The following SUPT16H variants were observed in gnomAD, a reference collection of about 807,000 sequenced individuals.
SUPT16H encodes the protein SPT16 homolog, facilitates chromatin remodeling subunit.
Under a neutral mutation model 136.2 loss-of-function variants are expected in SUPT16H, and 24 were observed. That is an observed-to-expected ratio of 0.18 (90% CI 0.13 to 0.25). The LOEUF (loss-of-function observed/expected upper bound fraction) is 0.25. Ranked by LOEUF, SUPT16H falls within the 10% of genes least tolerant of loss-of-function variation. The pLI is 1.00. For missense variants in SUPT16H, 623 were observed against 1,270.2 expected (o/e 0.49, Z 7.74); for synonymous variants, 415 against 428.2 (o/e 0.97, Z 0.38).
chr14:21,354,329 G>A (rs1566379942), intron 23 of SUPT16H, 82 bp downstream of exon 23: 13 of 1,555,454 alleles, frequency 8.4e-6, no homozygotes, highest in Non-Finnish European at 1.1e-5. Flanking sequence ...AGTCCCTTAT[G>A]TACTACTCAT....
intron 1 of SUPT16H, among the ~76,000 whole-genome samples, chr14:21,374,936 G>T (rs1455926884): frequency 6.6e-6 from 1 of 152,072 alleles, no homozygotes; most frequent in Non-Finnish European, 1.5e-5. Context: ...ATGTATCAAG[G>T]TTCCAATTTT....
intron 21 of SUPT16H, 75 bp downstream of exon 21, chr14:21,357,848 ATAAT>A (rs1164469511): frequency 7.6e-7 from 1 of 1,320,004 alleles, no homozygotes; most frequent in Non-Finnish European, 1.1e-6. Flanking sequence ...GAAAATGACA[ATAAT>A]TAGGATAAAA....
At position 21,352,359 on chromosome 14, in the gene SUPT16H, T is replaced by C. The variant is rs1886329794; in HGVS notation, c.*314A>G. ...CAGCTTTGAGACACCAAATAAGATG[T>C]CAGAAGCCATCAATGTCTTGGCAGA... On this transcript the variant is annotated 3_prime_UTR_variant, in exon 26 of 26. Transcript: ENST00000216297. The C allele has an allele frequency of 2.8e-6, 1 of 354,176 alleles. No homozygotes were observed. Among genetic ancestry groups the C allele is most frequent in the Non-Finnish European group, 5.4e-6 (1 of 186,384 alleles). 21.9% of individuals were successfully genotyped at this position (354,176 alleles called of 1,614,324 possible). A position where few individuals can be genotyped will look rare whatever the true frequency, so the allele number is the denominator to read the frequency against.
rs1887115207 is a variant in SUPT16H, at chr14:21,383,967, G to A, written c.-40C>T. On this transcript the variant is annotated 5_prime_UTR_variant, in exon 1 of 26. Transcript: ENST00000216297. ...CTTCTCCTCGGGTTCCGAGAATCAC[G>A]CGAGGTCCCGGCTCAGCCACCCGCT... is the stretch of plus-strand genomic sequence containing the variant. 6.2e-7 allele frequency: 1 copy of A among 1,610,714 alleles called. No homozygotes were observed. Among genetic ancestry groups the A allele is most frequent in the African/African-American group, 1.3e-5 (1 of 74,840 alleles).
At chr14:21,357,104 A>AT in intron 22 of SUPT16H, 93 bp downstream of exon 22, 2 of 1,274,864 alleles carry the variant, frequency 1.6e-6, no homozygotes, top group Non-Finnish European at 2.1e-6. Flanking sequence ...CACTTTAAGT[A>AT]TATCAGTAGA....
intron 5 of SUPT16H, 67 bp from the exon 6 acceptor site, chr14:21,369,422 A>G: frequency 3.8e-6 from 6 of 1,583,090 alleles, no homozygotes; most frequent in East Asian, 2.2e-5. Context: ...TGTGGACACT[A>G]TGATTTGAAG....
At chr14:21,361,385 T>C (rs61971519) in intron 15 of SUPT16H, 172 bp from the exon 16 acceptor site, 17,946 of 760,196 alleles carry the variant, frequency 0.024, 274 homozygotes, top group African/African-American at 0.033. Context: ...GGCCCAATCT[T>C]AGCTCACTGC....
In SUPT16H at chr14:21,364,951, A is replaced by G; in HGVS notation, c.1121-12T>C. The G allele has an allele frequency of 6.2e-7, 1 of 1,613,468 alleles. No individual in the cohort carries two copies. The highest frequency in any genetic ancestry group is 8.5e-7 in the Non-Finnish European group (1 of 1,179,394). On this transcript the variant is annotated splice_polypyrimidine_tract_variant and intron_variant, in intron 9 of 25. Transcript: ENST00000216297. The stretch of plus-strand genomic sequence containing the variant: ...GCTGAAAACCATTCCTAAAACAGCA[A>G]AACAAGGATCAGTCTGTGGCTGTGA...
rs368671709 is a variant in SUPT16H, at chr14:21,363,024, A to C, written c.1511+10T>G. On this transcript the variant is annotated intron_variant, in intron 13 of 25. Coordinates refer to ENST00000216297, the MANE Select transcript of SUPT16H (RefSeq NM_007192.4). ...CTCAGATGATCTCACTGCTCAGTGAAAACTCTTACTTCTGAATCTGCTGTT... is the reference window on the plus strand; with the variant it reads ...CTCAGATGATCTCACTGCTCAGTGACAACTCTTACTTCTGAATCTGCTGTT... 74 of 1,613,924 alleles carry C rather than the reference A, an allele frequency of 4.6e-5. No individual in the cohort carries two copies. The highest frequency in any genetic ancestry group is 6.1e-5 in the Non-Finnish European group (72 of 1,180,010).
At position 21,375,610 on chromosome 14, in the gene SUPT16H, T is replaced by C. The variant is rs151220611; in HGVS notation, c.67-2180A>G. Among the ~76,000 whole-genome samples the C allele has an allele frequency of 2.2e-3, 337 of 152,268 alleles. 3 individuals carry two copies. The highest frequency in any genetic ancestry group is 7.3e-3 in the African/African-American group (303 of 41,542). ...AATTTATCTATTTTCTTTTTTATTT[T>C]GGAGACAGAGTCTCACTCTATCCCC... On this transcript the variant is annotated intron_variant, in intron 1 of 25. Transcript: ENST00000216297.
Position 21,373,397 on chromosome 14 carries a change from T to C in SUPT16H, c.100A>G (p.Ile34Val). 5 of 1,614,156 alleles carry C rather than the reference T, an allele frequency of 3.1e-6. No individual in the cohort carries two copies. Among genetic ancestry groups the C allele is most frequent in the Non-Finnish European group, 4.2e-6 (5 of 1,179,996 alleles). ...GEDEYANVDA[I>V]VVSVGVDEEI... ...TCATCAACACCCACTGATACAACAA[T>C]GGCATCAACGTTGGCATACTCATCT... is the stretch of plus-strand genomic sequence containing the variant. Residue 34 changes from isoleucine (I) to valine (V), a missense_variant, in exon 2 of 26, where the codon ATT (isoleucine) becomes GTT (valine). Ile to Val is a conservative substitution (Grantham distance 29). This residue lies in a region of SUPT16H where 343 missense variants were observed against 525.7 expected (regional missense o/e 0.65). Coordinates refer to ENST00000216297, the MANE Select transcript of SUPT16H (RefSeq NM_007192.4).
rs369629354 is a variant in SUPT16H at position 21,382,796 on chromosome 14, G to T, written c.66+1066C>A. Among the ~76,000 whole-genome samples, 27 of 152,166 alleles carry T rather than the reference G, an allele frequency of 1.8e-4. No homozygotes were observed. The South Asian group carries it at 5.6e-3, about 32-fold the overall frequency. ...TTTTTCCTTTTCATAAAATGCAAGA[G>T]AATCAATTTTATTTTCAATTATCTA... On this transcript the variant is annotated intron_variant, in intron 1 of 25. Coordinates refer to ENST00000216297, the MANE Select transcript of SUPT16H (RefSeq NM_007192.4).
chr14:21,359,761 T>A, intron 18 of SUPT16H, 152 bp from the exon 19 acceptor site: 1 of 889,890 alleles, frequency 1.1e-6, no homozygotes, highest in Non-Finnish European at 1.6e-6. Flanking sequence ...TGCTTGGGAA[T>A]GGAAACAGTG....
At chr14:21,361,658 C>T (rs1296440300) in intron 15 of SUPT16H, among the ~76,000 whole-genome samples, 1 of 152,136 alleles carries the variant, frequency 6.6e-6, no homozygotes, top group South Asian at 2.1e-4. Flanking sequence ...ATAACATCCC[C>T]AAATTATCCC....
At chr14:21,374,475 G>T (rs1270427530) in intron 1 of SUPT16H, among the ~76,000 whole-genome samples, 1 of 152,200 alleles carries the variant, frequency 6.6e-6, no homozygotes, top group East Asian at 1.9e-4. Context: ...CTATGTCCTT[G>T]AGTACAATCA....
intron 1 of SUPT16H, among the ~76,000 whole-genome samples, chr14:21,378,051 A>G (rs1191017189): frequency 6.6e-6 from 1 of 152,196 alleles, no homozygotes; most frequent in African/African-American, 2.4e-5. Flanking sequence ...AGTAACCTAT[A>G]CAGATGGAGC....
chr14:21,382,078 G>A (rs528019282), intron 1 of SUPT16H, among the ~76,000 whole-genome samples: 10 of 152,316 alleles, frequency 6.6e-5, no homozygotes, highest in African/African-American at 2.4e-4. Context: ...CTGATTAAGT[G>A]TATCAGAATG....
chr14:21,369,498 G>A (rs1351024354), intron 5 of SUPT16H, 143 bp from the exon 6 acceptor site: 22 of 1,133,348 alleles, frequency 1.9e-5, no homozygotes, highest in Non-Finnish European at 2.6e-5. Flanking sequence ...TTGGTATGCA[G>A]GCAAAACACA....
chr14:21,355,358 T>C (rs982041134), intron 22 of SUPT16H, among the ~76,000 whole-genome samples: 1 of 151,884 alleles, frequency 6.6e-6, no homozygotes, highest in Non-Finnish European at 1.5e-5. Flanking sequence ...CCAGGCATGG[T>C]AGCACGCGCC....
Sources: allele counts gnomAD v4.1 joint callset (sites outside exome capture counted in the v4.1 genomes callset), GRCh38; gene constraint gnomAD v4.1.1; regional missense constraint gnomAD v4.1.1; transcripts MANE v1.5; gene names NCBI Gene and HGNC (gene_info 2026-07-23, HGNC 2026-07-21).